SIPA1L1: variants seen among roughly 807,000 people sequenced by gnomAD.
SIPA1L1 encodes the protein signal induced proliferation associated 1 like 1.
Under a neutral mutation model 162.7 loss-of-function variants are expected in SIPA1L1, and 26 were observed. The observed-to-expected ratio is 0.16, with a 90% CI of 0.12 to 0.22. The LOEUF is 0.22. SIPA1L1 is among the 10% of genes least tolerant of loss of function. SIPA1L1 has a pLI of 1.00. For missense variants in SIPA1L1, 1,874 were observed against 2,241.0 expected (o/e 0.84, Z 3.31); for synonymous variants, 829 against 837.4 (o/e 0.99, Z 0.17).
chr14:71,621,746 C>T (rs1046569131), intron 6 of SIPA1L1, among the ~76,000 whole-genome samples: 2 of 152,174 alleles, frequency 1.3e-5, no homozygotes, highest in African/African-American at 4.8e-5. Context: ...TGCCCGATTC[C>T]TCAAATGGTG....
chr14:71,495,968 C>T (rs2143021893), intron 2 of SIPA1L1, among the ~76,000 whole-genome samples: 1 of 148,596 alleles, frequency 6.7e-6, no homozygotes, highest in South Asian at 2.1e-4. Context: ...CCTGTGGTCC[C>T]ATCTACTTGG....
intron 4 of SIPA1L1, among the ~76,000 whole-genome samples, chr14:71,558,687 T>C (rs2056546726): frequency 6.6e-6 from 1 of 152,174 alleles, no homozygotes; most frequent in Non-Finnish European, 1.5e-5. Flanking sequence ...TGAAGCATTT[T>C]GTTTTTGTTT....
At chr14:71,403,550 A>G (rs2041827336) in intron 2 of SIPA1L1, among the ~76,000 whole-genome samples, 1 of 150,072 alleles carries the variant, frequency 6.7e-6, no homozygotes, top group African/African-American at 2.5e-5. Context: ...CAGTAAGCCA[A>G]GATTGCACCA....
intron 2 of SIPA1L1, chr14:71,400,830 T>C (rs2041615170): frequency 6.6e-6 from 1 of 152,200 alleles, no homozygotes; most frequent in Non-Finnish European, 1.5e-5. Context: ...AAGCTCTCCT[T>C]TTCTACCCTC....
At chr14:71,657,584 G>A (rs573402492) in intron 8 of SIPA1L1, among the ~76,000 whole-genome samples, 1 of 151,572 alleles carries the variant, frequency 6.6e-6, no homozygotes, top group African/African-American at 2.4e-5. Flanking sequence ...AGGAAAGTGA[G>A]AACACAACAT....
intron 2 of SIPA1L1, among the ~76,000 whole-genome samples, chr14:71,397,280 G>A (rs532400891): frequency 5.3e-5 from 8 of 152,072 alleles, no homozygotes; most frequent in Non-Finnish European, 1.2e-4. Context: ...TGTTTTCCGT[G>A]TGTTGTCAGT....
In SIPA1L1 at chr14:71,577,379, AT is replaced by A. The variant is rs539375533; in HGVS notation, c.-302-10177del. Reference sequence around the variant, plus strand: ...AGAGCCTGCTATATAGTGAGCACTTATTTTTTTTTTTTTTTGGAGACAAATC... The same window carrying A: ...AGAGCCTGCTATATAGTGAGCACTTATTTTTTTTTTTTTTGGAGACAAATC... On this transcript the variant is annotated intron_variant, in intron 4 of 23. Transcript: ENST00000381232. Among the ~76,000 whole-genome samples the A allele has an allele frequency of 3.6e-3, 503 of 138,902 alleles. 3 individuals are homozygous for A. The highest frequency in any genetic ancestry group is 3.2e-3 in the Admixed American group (44 of 13,860). 91.1% of individuals were successfully genotyped at this position (138,902 alleles called of 152,430 possible). A position where few individuals can be genotyped will look rare whatever the true frequency, so the allele number is the denominator to read the frequency against.
At chr14:71,582,404 C>T (rs1202911807) in intron 4 of SIPA1L1, among the ~76,000 whole-genome samples, 2 of 152,088 alleles carry the variant, frequency 1.3e-5, no homozygotes, top group African/African-American at 4.8e-5. Context: ...CATTCTTCTG[C>T]CCTCAAGCTT....
chr14:71,632,282 A>T (rs74529870), intron 7 of SIPA1L1, among the ~76,000 whole-genome samples: 2 of 152,292 alleles, frequency 1.3e-5, no homozygotes. Context: ...CTCTTTGCTC[A>T]TATATCCCAG....
chr14:71,420,012 C>T (rs1002446130), intron 2 of SIPA1L1, among the ~76,000 whole-genome samples: 1 of 151,912 alleles, frequency 6.6e-6, no homozygotes, highest in Non-Finnish European at 1.5e-5. Context: ...CAAAGCAAGA[C>T]CCTGTCTCAA....
At chr14:71,383,474 A>G (rs1335638677) in intron 2 of SIPA1L1, among the ~76,000 whole-genome samples, 6 of 152,236 alleles carry the variant, frequency 3.9e-5, no homozygotes, top group Non-Finnish European at 5.9e-5. Flanking sequence ...ACCATGCGTT[A>G]CTGCCTTTGA....
At position 71,377,217 on chromosome 14, in the gene SIPA1L1, TG is replaced by T. The variant is rs1422826526; in HGVS notation, c.-465+56040del. On this transcript the variant is annotated intron_variant, in intron 2 of 23. Coordinates refer to ENST00000381232, the MANE Select transcript of SIPA1L1 (RefSeq NM_001386936.1). The surrounding 1 kb of genome is among the most constrained non-coding windows in gnomAD (Gnocchi z 4.8). ...TGGGGGCGCCCCCCCACCTCCCAGA[TG>T]GGGTGGCGGCTGGGCGGGGGTGCCC... Among the ~76,000 whole-genome samples, 3 of 145,268 alleles carry T rather than the reference TG, an allele frequency of 2.1e-5. No homozygotes were observed. Among genetic ancestry groups the T allele is most frequent in the African/African-American group, 7.7e-5 (3 of 39,202 alleles).
At chr14:71,627,321 A>G (rs2040125176) in intron 7 of SIPA1L1, among the ~76,000 whole-genome samples, 1 of 151,390 alleles carries the variant, frequency 6.6e-6, no homozygotes, top group African/African-American at 2.4e-5. Flanking sequence ...TAATTTTTGC[A>G]TATTTAGTAG....
chr14:71,657,441 C>A (rs751808094), intron 8 of SIPA1L1, among the ~76,000 whole-genome samples: 1 of 151,788 alleles, frequency 6.6e-6, no homozygotes, highest in Non-Finnish European at 1.5e-5. Context: ...AAGTCCAGAT[C>A]CTTTGAGTCT....
At chr14:71,508,446 T>C (rs901427032) in intron 2 of SIPA1L1, among the ~76,000 whole-genome samples, 1 of 152,164 alleles carries the variant, frequency 6.6e-6, no homozygotes, top group Non-Finnish European at 1.5e-5. Flanking sequence ...GGGATCTGGG[T>C]CATGGGAAAG....
intron 4 of SIPA1L1, chr14:71,586,325 G>A (rs537652641): frequency 7.2e-5 from 11 of 151,820 alleles, no homozygotes; most frequent in Middle Eastern, 3.4e-3. Context: ...AAATGAAAGC[G>A]CCTGCCTTGG....
chr14:71,521,657 T>G (rs895308201), intron 3 of SIPA1L1, among the ~76,000 whole-genome samples: 14 of 152,218 alleles, frequency 9.2e-5, no homozygotes, highest in Non-Finnish European at 1.9e-4. Flanking sequence ...CAAATATGTG[T>G]CCATTTATGC....
Position 71,705,213 on chromosome 14 carries a change from G to A in SIPA1L1, c.3647-9G>A. The A allele has an allele frequency of 1.3e-6, 2 of 1,598,366 alleles. No homozygotes were observed. Among genetic ancestry groups the A allele is most frequent in the Non-Finnish European group, 1.7e-6 (2 of 1,165,664 alleles). On this transcript the variant is annotated splice_polypyrimidine_tract_variant and intron_variant, in intron 15 of 23. Coordinates refer to ENST00000381232, the MANE Select transcript of SIPA1L1 (RefSeq NM_001386936.1). The stretch of plus-strand genomic sequence containing the variant: ...TGCCTGCACCATAATGTCCTATGCT[G>A]TATTCCAGAGCCAACATGCCATCTC...
intron 3 of SIPA1L1, among the ~76,000 whole-genome samples, chr14:71,522,598 A>G (rs532128714): frequency 1.3e-5 from 2 of 152,070 alleles, no homozygotes; most frequent in African/African-American, 2.4e-5. Context: ...ACCATTTCGG[A>G]TTTCAGATTT....
Sources: gnomAD v4.1 joint callset for allele counts (sites outside exome capture counted in the v4.1 genomes callset) on GRCh38, gnomAD v4.1.1 for gene constraint, Gnocchi (gnomAD v3.1) non-coding constraint, MANE v1.5 for transcripts, NCBI Gene and HGNC (gene_info 2026-07-23, HGNC 2026-07-21) for gene names.